The following GLRA3 variants were observed in gnomAD, a reference collection of about 807,000 sequenced individuals.
The protein encoded by GLRA3 is glycine receptor subunit alpha-3.
GLRA3 carries 44 observed loss-of-function variants against 60.4 expected under a neutral mutation model. The ratio of observed to expected loss-of-function variants is 0.73; its 90% CI spans 0.57 to 0.94. The LOEUF is 0.94. Ranked by LOEUF, GLRA3 falls within the 40% of genes least tolerant of loss-of-function variation. GLRA3 has a pLI of 0.00. For missense variants in GLRA3, 508 were observed against 564.6 expected (o/e 0.90, Z 1.02); for synonymous variants, 223 against 192.9 (o/e 1.16, Z -1.29).
intron 2 of GLRA3, among the ~76,000 whole-genome samples, chr4:174,782,707 T>C (rs535972762): frequency 1.6e-4 from 24 of 152,224 alleles, no homozygotes. Context: ...ATGAGTGAAA[T>C]CCCATTCACA....
intron 2 of GLRA3, among the ~76,000 whole-genome samples, chr4:174,783,623 GA>G (rs987862246): frequency 1.4e-5 from 2 of 142,004 alleles, no homozygotes; most frequent in Non-Finnish European, 3.1e-5. Flanking sequence ...AAATTTACAA[GA>G]AAAAAACAAA....
intron 1 of GLRA3, among the ~76,000 whole-genome samples, chr4:174,810,447 A>G (rs952502327): frequency 1.8e-4 from 27 of 151,488 alleles, no homozygotes; most frequent in African/African-American, 5.6e-4. Context: ...ATATATATAT[A>G]TTATATACAT....
intron 3 of GLRA3, among the ~76,000 whole-genome samples, chr4:174,757,329 C>T (rs563100798): frequency 3.5e-4 from 54 of 152,124 alleles, no homozygotes; most frequent in Middle Eastern, 3.4e-3. Context: ...GAAGCCTAGA[C>T]GCAATGAAAC....
intron 3 of GLRA3, among the ~76,000 whole-genome samples, chr4:174,746,726 A>G (rs752791353): frequency 6.6e-6 from 1 of 152,200 alleles, no homozygotes; most frequent in African/African-American, 2.4e-5. Flanking sequence ...TTCTGATACC[A>G]ATACATAAAA....
At chr4:174,782,774 C>G (rs1738940328) in intron 2 of GLRA3, among the ~76,000 whole-genome samples, 1 of 151,924 alleles carries the variant, frequency 6.6e-6, no homozygotes, top group East Asian at 1.9e-4. Context: ...ATGTGAAGGA[C>G]CTCTTCAAGG....
intron 5 of GLRA3, among the ~76,000 whole-genome samples, chr4:174,689,780 A>G (rs1251845155): frequency 6.8e-6 from 1 of 147,876 alleles, no homozygotes; most frequent in Admixed American, 6.8e-5. Flanking sequence ...AAAAAAAAAA[A>G]AAAAAGCAAG....
chr4:174,739,387 G>GAATA (rs1173495991), intron 3 of GLRA3, among the ~76,000 whole-genome samples: 9 of 151,710 alleles, frequency 5.9e-5, no homozygotes, highest in Non-Finnish European at 1.3e-4. Flanking sequence ...ATTTGGCCAA[G>GAATA]AATATTTTCT....
intron 6 of GLRA3, among the ~76,000 whole-genome samples, chr4:174,680,072 A>G (rs1734282681): frequency 6.6e-6 from 1 of 152,238 alleles, no homozygotes; most frequent in African/African-American, 2.4e-5. Context: ...AGATTTGATC[A>G]TTACAGATTT....
At chr4:174,751,470 T>G (rs1284341203) in intron 3 of GLRA3, among the ~76,000 whole-genome samples, 1 of 152,084 alleles carries the variant, frequency 6.6e-6, no homozygotes, top group Non-Finnish European at 1.5e-5. Flanking sequence ...CGTGTTTGTG[T>G]GCAGGCACAC....
chr4:174,736,124 T>C (rs990201995), intron 3 of GLRA3, among the ~76,000 whole-genome samples: 2 of 152,056 alleles, frequency 1.3e-5, no homozygotes, highest in African/African-American at 4.8e-5. Context: ...TGGATAAGAG[T>C]GTCATAGAAT....
chr4:174,689,966 A>C (rs976060919), intron 5 of GLRA3, among the ~76,000 whole-genome samples: 12 of 152,086 alleles, frequency 7.9e-5, no homozygotes, highest in Non-Finnish European at 1.5e-4. Flanking sequence ...TCAGTGGATG[A>C]CTAGATAAAG....
At chr4:174,676,544 T>C (rs1291929429) in intron 7 of GLRA3, among the ~76,000 whole-genome samples, 1 of 152,186 alleles carries the variant, frequency 6.6e-6, no homozygotes, top group Non-Finnish European at 1.5e-5. Flanking sequence ...TGTTTGTGTC[T>C]ATATATGGAT....
intron 2 of GLRA3, among the ~76,000 whole-genome samples, chr4:174,770,199 G>A (rs1474524951): frequency 1.3e-5 from 2 of 152,036 alleles, no homozygotes; most frequent in East Asian, 3.9e-4. Context: ...ATAAAGTTTA[G>A]GTTTCAAAGG....
chr4:174,673,244 T>A (rs1241029710), intron 7 of GLRA3, among the ~76,000 whole-genome samples: 1 of 152,196 alleles, frequency 6.6e-6, no homozygotes, highest in Non-Finnish European at 1.5e-5. Flanking sequence ...CTTCTAGTAC[T>A]CAGAGTTTAC....
intron 5 of GLRA3, among the ~76,000 whole-genome samples, chr4:174,691,436 C>A (rs1349498727): frequency 1.3e-5 from 2 of 152,172 alleles, no homozygotes; most frequent in Non-Finnish European, 2.9e-5. Flanking sequence ...CCCTCTGATG[C>A]CCAGCCAAAG....
intron 4 of GLRA3, among the ~76,000 whole-genome samples, chr4:174,725,497 T>C (rs1381698147): frequency 6.6e-6 from 1 of 152,216 alleles, no homozygotes; most frequent in Non-Finnish European, 1.5e-5. Flanking sequence ...GTCTTTTCTT[T>C]TGAGACAGGG....
chr4:174,747,984 A>G (rs1737318190), intron 3 of GLRA3, among the ~76,000 whole-genome samples: 1 of 146,534 alleles, frequency 6.8e-6, no homozygotes, highest in Non-Finnish European at 1.5e-5. Flanking sequence ...TGCCTTTCAC[A>G]TGGAGACACT....
intron 4 of GLRA3, among the ~76,000 whole-genome samples, chr4:174,720,170 TAAGA>T (rs994667225): frequency 3.3e-5 from 5 of 152,144 alleles, no homozygotes; most frequent in Non-Finnish European, 7.4e-5. Context: ...ATTAGTAAAG[TAAGA>T]AAGTATATCA....
chr4:174,784,481 C>A (rs143244600), intron 2 of GLRA3, among the ~76,000 whole-genome samples: 4 of 137,818 alleles, frequency 2.9e-5, no homozygotes, highest in Non-Finnish European at 3.2e-5. Flanking sequence ...AAAAAAAATA[C>A]AAAAAAAAAA....
Sources: allele counts gnomAD v4.1 joint callset (sites outside exome capture counted in the v4.1 genomes callset), GRCh38; gene constraint gnomAD v4.1.1; transcripts MANE v1.5; gene names NCBI Gene and HGNC (gene_info 2026-07-23, HGNC 2026-07-21).